NPY4R: variants seen among roughly 807,000 people sequenced by gnomAD.
The protein encoded by NPY4R is neuropeptide Y receptor type 4.
Under a neutral mutation model 11.9 loss-of-function variants are expected in NPY4R, and 2 were observed. That is an observed-to-expected ratio of 0.17 (90% CI 0.07 to 0.53). NPY4R has a LOEUF of 0.53. NPY4R is among the 20% of genes least tolerant of loss of function. The probability of loss-of-function intolerance (pLI) is 0.94; values close to 1 mark genes in which losing one functional copy is unlikely to be tolerated. For synonymous variants in NPY4R, 8 were observed against 121.7 expected, an observed-to-expected ratio of 0.07 and a Z score of 6.15; for missense variants, 26 against 280.2, an observed-to-expected ratio of 0.09 and a Z score of 6.48.
chr10:46,466,196 T>TTCC (rs1841021183), upstream of NPY4R, among the ~76,000 whole-genome samples: 18 of 24,222 alleles, frequency 7.4e-4, no homozygotes, highest in African/African-American at 3.5e-3. Context: ...TCTTTCTTTC[T>TTCC]TTCTTTCTTT....
chr10:46,466,597 AGGGAAATAAATTATTACAGG>A, upstream of NPY4R, among the ~76,000 whole-genome samples: 1 of 31,886 alleles, frequency 3.1e-5, no homozygotes, highest in Non-Finnish European at 5.8e-5. Flanking sequence ...ACAAGGAAAG[AGGGAAATAAATTATTACAGG>A]GGGTGAGATG....
Position 46,462,259 on chromosome 10 carries a change from G to A in NPY4R, c.377C>T (p.Thr126Met), listed in dbSNP as rs149694580. 1.9e-4 allele frequency: 252 copies of A among 1,319,220 alleles called. 1 individual carries two copies. The highest frequency in any genetic ancestry group is 6.7e-4 in the African/African-American group (45 of 66,684). 81.7% of individuals were successfully genotyped at this position (1,319,220 alleles called of 1,614,324 possible). ...MSAFIQCMSV[T>M]VSILSLVLVA... The stretch of plus-strand genomic sequence containing the variant: ...GAGGACGAGCGAGAGGATGGAGACC[G>A]TCACCGACATGCACTGGATGAAGGC... The change falls in exon 3 of 3, where the codon ACG (threonine) becomes ATG (methionine). Residue 126 changes from threonine (T) to methionine (M), a missense_variant. Physicochemically the swap from Thr to Met is moderately conservative, Grantham distance 81. Transcript: ENST00000374312.
upstream of NPY4R, among the ~76,000 whole-genome samples, chr10:46,466,252 TTTCTTTCTTTCC>T (rs1841037862): frequency 1.1e-4 from 8 of 73,004 alleles, no homozygotes; most frequent in South Asian, 3.6e-4. Flanking sequence ...TCTTTCTTTC[TTTCTTTCTTTCC>T]TTTCTTTCTT....
chr10:46,466,274 TTCTTTCTTTCTCTCTC>T (rs1588926752), upstream of NPY4R, among the ~76,000 whole-genome samples: 18 of 60,410 alleles, frequency 3.0e-4, no homozygotes, highest in East Asian at 1.3e-3. Flanking sequence ...CTTTCTTTCT[TTCTTTCTTTCTCTCTC>T]TCTCTCTCTC....
chr10:46,469,638 CG>C (rs1245726135), upstream of NPY4R, among the ~76,000 whole-genome samples: 1 of 30,242 alleles, frequency 3.3e-5, no homozygotes, highest in Non-Finnish European at 5.9e-5. Context: ...ATCAGCTATC[CG>C]GGGAAACCAG....
upstream of NPY4R, among the ~76,000 whole-genome samples, chr10:46,468,103 G>C: frequency 7.9e-6 from 1 of 126,590 alleles, no homozygotes; most frequent in South Asian, 2.7e-4. Flanking sequence ...CAAAGAAGTA[G>C]AGTGTCTTGT....
At chr10:46,466,247 CTTTCTT>C (rs1841034844), upstream of NPY4R, among the ~76,000 whole-genome samples, 2 of 68,804 alleles carry the variant, frequency 2.9e-5, no homozygotes, top group Admixed American at 1.5e-4. Flanking sequence ...TTCTTTCTTT[CTTTCTT>C]TCTTTCTTTC....
chr10:46,466,242 T>TCTCTCTCTCTCC (rs1841032691), upstream of NPY4R, among the ~76,000 whole-genome samples: 1 of 69,938 alleles, frequency 1.4e-5, no homozygotes, highest in African/African-American at 8.3e-5. Flanking sequence ...TTTCTTTCTT[T>TCTCTCTCTCTCC]CTTTCTTTCT....
rs1466068247 is a variant in NPY4R at position 46,465,938 on chromosome 10, G to T, written c.-476C>A. 5,514 of 155,230 alleles carry T rather than the reference G, an allele frequency of 0.036. No homozygotes were observed. The highest frequency in any genetic ancestry group is 0.13 in the African/African-American group (5,149 of 39,442). 9.6% of individuals were successfully genotyped at this position (155,230 alleles called of 1,614,324 possible). A position where few individuals can be genotyped will look rare whatever the true frequency, so the allele number is the denominator to read the frequency against. ...CTGCTTCACCTGCTCCTGCTGCCCC[G>T]ATGCTGCCTGCGTGCGGAGTGGAGC... On this transcript the variant is annotated 5_prime_UTR_variant, in exon 1 of 3. Transcript: ENST00000374312.
chr10:46,466,286 C>CTTT (rs782691125), upstream of NPY4R, among the ~76,000 whole-genome samples: 37 of 14,966 alleles, frequency 2.5e-3, 4 homozygotes, highest in African/African-American at 4.7e-3. Context: ...CTTTCTTTCT[C>CTTT]TCTCTCTCTC....
At chr10:46,466,270 TTCTTTCTTTCTTTC>T (rs1841044950), upstream of NPY4R, among the ~76,000 whole-genome samples, 21 of 83,968 alleles carry the variant, frequency 2.5e-4, no homozygotes, top group African/African-American at 1.1e-3. Context: ...TTTCCTTTCT[TTCTTTCTTTCTTTC>T]TCTCTCTCTC....
At chr10:46,466,240 T>TTCCTTCC (rs1833271299), upstream of NPY4R, among the ~76,000 whole-genome samples, 2 of 71,470 alleles carry the variant, frequency 2.8e-5, no homozygotes, top group Admixed American at 1.4e-4. Flanking sequence ...TCTTTCTTTC[T>TTCCTTCC]TTCTTTCTTT....
chr10:46,466,257 T>TCTCTCTCTCTCTCTCTCTCTC (rs1841039610), upstream of NPY4R, among the ~76,000 whole-genome samples: 1 of 63,716 alleles, frequency 1.6e-5, no homozygotes, highest in African/African-American at 9.5e-5. Flanking sequence ...CTTTCTTTCT[T>TCTCTCTCTCTCTCTCTCTCTC]TCTTTCCTTT....
upstream of NPY4R, among the ~76,000 whole-genome samples, chr10:46,466,124 TCTCTCACGCCCAC>T (rs1554991135): frequency 1.4e-5 from 2 of 147,612 alleles, no homozygotes. Context: ...CCTGCGTGTG[TCTCTCACGCCCAC>T]CTCAACCCTG....
At chr10:46,466,208 T>C (rs1841023804), upstream of NPY4R, among the ~76,000 whole-genome samples, 2 of 53,122 alleles carry the variant, frequency 3.8e-5, no homozygotes, top group African/African-American at 2.5e-4. Flanking sequence ...TCTTTCTTTC[T>C]TTCTTTCTTT....
chr10:46,466,138 C>G (rs1237086108), upstream of NPY4R, among the ~76,000 whole-genome samples: 1 of 147,164 alleles, frequency 6.8e-6, no homozygotes, highest in Non-Finnish European at 1.5e-5. Flanking sequence ...TCACGCCCAC[C>G]TCAACCCTGG....
At chr10:46,464,694 AAC>A (rs75109131) in intron 1 of NPY4R, among the ~76,000 whole-genome samples, 402 of 6,014 alleles carry the variant, frequency 0.067, no homozygotes, top group South Asian at 0.15. Context: ...GGTGTGGAGA[AAC>A]ACCATTCATC....
upstream of NPY4R, among the ~76,000 whole-genome samples, chr10:46,466,187 C>CTT (rs1554991169): frequency 1.0e-4 from 1 of 9,986 alleles, no homozygotes; most frequent in Non-Finnish European, 2.2e-4. Flanking sequence ...TTCTCTCTTT[C>CTT]TTTCTTTCTT....
chr10:46,461,977 AG>A lies in NPY4R; in HGVS notation c.658del (p.Leu220SerfsTer41). The A allele has an allele frequency of 1.4e-6, 1 of 694,280 alleles. No homozygotes were observed. Among genetic ancestry groups the A allele is most frequent in the Non-Finnish European group, 2.2e-6 (1 of 452,906 alleles). 43.0% of individuals were successfully genotyped at this position (694,280 alleles called of 1,614,324 possible). On this transcript the variant is annotated frameshift_variant, in exon 3 of 3. Coordinates refer to ENST00000374312, the MANE Select transcript of NPY4R (RefSeq NM_005972.6). LOFTEE classifies it high-confidence loss of function. The stretch of plus-strand genomic sequence containing the variant: ...GCCCAGTGGGAGGCAGTACTGGAAG[AG>A]GAGCAGGAAGGTGGTGTAGATGGTG... ...HRTIYTTFLLLFQYCLPLGFI... is the reference protein window; with the variant it reads ...HRTIYTTFLLXFQYCLPLGFI...
Sources: allele counts gnomAD v4.1 joint callset (sites outside exome capture counted in the v4.1 genomes callset), GRCh38; gene constraint gnomAD v4.1.1; transcripts MANE v1.5; gene names NCBI Gene and HGNC (gene_info 2026-07-23, HGNC 2026-07-21).